DGLUCY: variants seen among roughly 807,000 people sequenced by gnomAD.
DGLUCY encodes the protein D-glutamate cyclase.
DGLUCY carries 58 observed loss-of-function variants against 58.5 expected under a neutral mutation model. The observed-to-expected ratio is 0.99, with a 90% CI of 0.80 to 1.23. The LOEUF is 1.23. Among genes scored for constraint, DGLUCY ranks in the 50% most tolerant of loss-of-function variants. DGLUCY has a pLI of 0.00. For synonymous variants in DGLUCY, 325 were observed against 314.1 expected, an observed-to-expected ratio of 1.03 and a Z score of -0.37; for missense variants, 779 against 784.7, an observed-to-expected ratio of 0.99 and a Z score of 0.09.
At chr14:91,075,843 T>C (rs1323101968) in intron 1 of DGLUCY, among the ~76,000 whole-genome samples, 1 of 152,178 alleles carries the variant, frequency 6.6e-6, no homozygotes, top group Non-Finnish European at 1.5e-5. Flanking sequence ...CCGGGAGCAA[T>C]GGCTCATGCC....
chr14:91,206,475 C>G (rs1035132010), intron 12 of DGLUCY, among the ~76,000 whole-genome samples: 2 of 152,138 alleles, frequency 1.3e-5, no homozygotes, highest in African/African-American at 4.8e-5. Flanking sequence ...TTCTGCCTCC[C>G]GGGTTCAAAC....
upstream of DGLUCY, among the ~76,000 whole-genome samples, chr14:91,110,406 TTTTC>T (rs1183476123): frequency 5.4e-5 from 8 of 148,254 alleles, no homozygotes; most frequent in African/African-American, 5.0e-5. Flanking sequence ...CTTGGTTTGT[TTTTC>T]TTTCTTTCTT....
chr14:91,109,553 G>A (rs1057321770), upstream of DGLUCY, among the ~76,000 whole-genome samples: 3 of 152,266 alleles, frequency 2.0e-5, no homozygotes, highest in African/African-American at 7.2e-5. Context: ...CAGGGAACAC[G>A]GAGGTAATTC....
intron 1 of DGLUCY, among the ~76,000 whole-genome samples, chr14:91,138,645 G>A (rs2046476048): frequency 1.3e-5 from 2 of 152,180 alleles, no homozygotes; most frequent in South Asian, 2.1e-4. Context: ...CAAGGTGGCA[G>A]GAGAGAGTGA....
chr14:91,207,399 G>T (rs1479695304), intron 12 of DGLUCY, among the ~76,000 whole-genome samples: 1 of 152,000 alleles, frequency 6.6e-6, no homozygotes, highest in African/African-American at 2.4e-5. Flanking sequence ...ACTACAAAAG[G>T]TATAACCTAG....
intron 1 of DGLUCY, among the ~76,000 whole-genome samples, chr14:91,117,470 G>A (rs945367727): frequency 6.6e-6 from 1 of 152,114 alleles, no homozygotes; most frequent in East Asian, 1.9e-4. Context: ...CTTGACTGCT[G>A]GTTTGGCCAC....
At chr14:91,060,507 C>A in exon 1 of DGLUCY, 1 of 1,254,272 alleles carries the variant, frequency 8.0e-7, no homozygotes, top group Non-Finnish European at 1.0e-6. Context: ...CGTCCCCTCG[C>A]AGCCGCTGCC....
At chr14:91,089,372 A>G (rs931153008) in intron 1 of DGLUCY, among the ~76,000 whole-genome samples, 3 of 152,222 alleles carry the variant, frequency 2.0e-5, no homozygotes, top group East Asian at 3.8e-4. Context: ...GGGACCCCTC[A>G]GGGGAGTCTC....
chr14:91,173,152 A>C, intron 5 of DGLUCY, 137 bp from the exon 6 acceptor site: 1 of 964,546 alleles, frequency 1.0e-6, no homozygotes, highest in Non-Finnish European at 1.5e-6. Flanking sequence ...TCTATGTCAC[A>C]TAAAAATAGA....
intron 1 of DGLUCY, among the ~76,000 whole-genome samples, chr14:91,141,380 AAAAAG>A (rs1346671145): frequency 6.6e-6 from 1 of 151,990 alleles, no homozygotes; most frequent in East Asian, 1.9e-4. Context: ...CTAAAAAAAA[AAAAAG>A]AAAAGGAAAA....
At chr14:91,220,505 A>C (rs1215659935) in intron 13 of DGLUCY, 1 of 456,220 alleles carries the variant, frequency 2.2e-6, no homozygotes, top group African/African-American at 2.0e-5. Flanking sequence ...CAGGTGGCCT[A>C]TGCCAAGGAG....
intron 1 of DGLUCY, among the ~76,000 whole-genome samples, chr14:91,142,840 A>AAACAC (rs2046785693): frequency 8.0e-6 from 1 of 124,226 alleles, no homozygotes; most frequent in African/African-American, 3.0e-5. Flanking sequence ...ATCTCTACTA[A>AAACAC]ACACACACAC....
At chr14:91,165,261 G>C (rs1207260120) in intron 3 of DGLUCY, 1 of 456,110 alleles carries the variant, frequency 2.2e-6, no homozygotes, top group African/African-American at 2.0e-5. Flanking sequence ...TCATTGAACA[G>C]TAACTTTAGT....
At chr14:91,136,928 C>T (rs2046373944) in intron 1 of DGLUCY, among the ~76,000 whole-genome samples, 1 of 151,728 alleles carries the variant, frequency 6.6e-6, no homozygotes, top group African/African-American at 2.4e-5. Flanking sequence ...GATATTGTGC[C>T]ATTACACTCT....
At chr14:91,084,345 AG>A (rs1264211842) in intron 1 of DGLUCY, among the ~76,000 whole-genome samples, 1 of 151,878 alleles carries the variant, frequency 6.6e-6, no homozygotes, top group Non-Finnish European at 1.5e-5. Context: ...CTGGAACTAC[AG>A]GCACCCACCA....
intron 13 of DGLUCY, among the ~76,000 whole-genome samples, chr14:91,217,641 T>C (rs779939118): frequency 4.1e-4 from 62 of 150,894 alleles, no homozygotes; most frequent in South Asian, 2.1e-4. Flanking sequence ...CCTGCCACCA[T>C]GCCCAGCTAA....
rs913219433 is a variant in DGLUCY, at chr14:91,212,639, T to G, written c.1565-2766T>G. ...ATCACTTGAGTCCAAGAGTTCCAGG[T>G]TACAGTGAGCTATGATTGCGCCACT... On this transcript the variant is annotated intron_variant, in intron 12 of 13. Transcript: ENST00000256324. Among the ~76,000 whole-genome samples, 4 of 151,554 alleles carry G rather than the reference T, an allele frequency of 2.6e-5. No homozygotes were observed. In the East Asian group the frequency reaches 7.8e-4, roughly 30 times the overall value.
intron 1 of DGLUCY, among the ~76,000 whole-genome samples, chr14:91,122,777 T>G (rs1253638655): frequency 6.6e-6 from 1 of 151,866 alleles, no homozygotes; most frequent in East Asian, 1.9e-4. Context: ...TCTGGCTAAT[T>G]TTTGTATTTT....
chr14:91,133,407 G>C (rs2046146838), intron 1 of DGLUCY, among the ~76,000 whole-genome samples: 1 of 152,074 alleles, frequency 6.6e-6, no homozygotes, highest in Admixed American at 6.6e-5. Flanking sequence ...GTGGACATTG[G>C]CTTCCACCTT....
Sources: allele counts gnomAD v4.1 joint callset (sites outside exome capture counted in the v4.1 genomes callset), GRCh38; gene constraint gnomAD v4.1.1; transcripts MANE v1.5; gene names NCBI Gene and HGNC (gene_info 2026-07-23, HGNC 2026-07-21).